Variants in CEP63 observed in about 807,000 individuals in gnomAD.
The protein encoded by CEP63 is centrosomal protein of 63 kDa.
In CEP63, 84 loss-of-function variants were observed where a neutral mutation model predicts 89.1. The observed-to-expected ratio is 0.94, with a 90% CI of 0.79 to 1.13. The LOEUF (loss-of-function observed/expected upper bound fraction) is 1.13, where lower values mean the gene tolerates loss of function less well. CEP63 is among the 50% of genes most tolerant of loss of function. The pLI is 0.00. For missense variants in CEP63, 838 were observed against 813.3 expected, an observed-to-expected ratio of 1.03 and a Z score of -0.37; for synonymous variants, 267 against 272.5, an observed-to-expected ratio of 0.98 and a Z score of 0.20.
At chr3:134,764,055 A>G in the CEP63 span, among the ~76,000 whole-genome samples, 1 of 152,246 alleles carries the variant, frequency 6.6e-6, no homozygotes, top group Non-Finnish European at 1.5e-5. Context: ...AGCAAACTGT[A>G]CAAGACATGG....
At chr3:134,666,289 C>G in the CEP63 span, among the ~76,000 whole-genome samples, 2 of 152,204 alleles carry the variant, frequency 1.3e-5, no homozygotes, top group Non-Finnish European at 2.9e-5. Flanking sequence ...AGTCAGCAGA[C>G]TCACCTGCGG....
chr3:134,760,979 C>G, the CEP63 span, among the ~76,000 whole-genome samples: 1 of 151,218 alleles, frequency 6.6e-6, no homozygotes, highest in Admixed American at 6.6e-5. Context: ...GTTTAATCCT[C>G]TGGTATGACT....
chr3:134,529,203 A>C (rs1247981353), intron 3 of CEP63, among the ~76,000 whole-genome samples: 1 of 152,146 alleles, frequency 6.6e-6, no homozygotes, highest in Admixed American at 6.5e-5. Flanking sequence ...TTTTCATGTT[A>C]ACTATTTTAA....
At chr3:134,602,820 G>A in the CEP63 span, among the ~76,000 whole-genome samples, 3 of 152,184 alleles carry the variant, frequency 2.0e-5, no homozygotes, top group Admixed American at 6.5e-5. Flanking sequence ...CAGCTCTGCC[G>A]ACAGTGTCCC....
At position 134,558,193 on chromosome 3, in the gene CEP63, A is replaced by C. The variant is rs763823409; in HGVS notation, c.1519A>C (p.Asn507His). 1.9e-6 allele frequency: 3 copies of C among 1,613,832 alleles called. No homozygotes were observed. Among genetic ancestry groups the C allele is most frequent in the Non-Finnish European group, 2.5e-6 (3 of 1,179,798 alleles). Residue 507 changes from asparagine to histidine, a missense_variant, in exon 13 of 15, where the codon AAT becomes CAT. Coordinates refer to ENST00000675561, the MANE Select transcript of CEP63 (RefSeq NM_001353108.3). ...CCAGGAGAATTATATTGAGGCATTA[A>C]ATAAATTAGTGTCTGAAAATCAACA... is the stretch of plus-strand genomic sequence containing the variant. ...DLQENYIEAL[N>H]KLVSENQQLQ... is the part of the protein sequence containing the mutation.
the CEP63 span, among the ~76,000 whole-genome samples, chr3:134,708,410 T>C: frequency 6.6e-6 from 1 of 152,236 alleles, no homozygotes; most frequent in Non-Finnish European, 1.5e-5. Flanking sequence ...GCAAGAAGTC[T>C]GGAAATTTAT....
the CEP63 span, among the ~76,000 whole-genome samples, chr3:134,690,997 C>T: frequency 9.9e-5 from 15 of 152,168 alleles, no homozygotes; most frequent in Admixed American, 8.5e-4. Context: ...AATCTGCCCG[C>T]CTTGGCCTCC....
the CEP63 span, among the ~76,000 whole-genome samples, chr3:134,760,633 G>A: frequency 3.3e-5 from 5 of 152,154 alleles, no homozygotes; most frequent in African/African-American, 4.8e-5. Flanking sequence ...TATCCCTTGC[G>A]TACTCAGTCC....
chr3:134,630,717 G>A, the CEP63 span, among the ~76,000 whole-genome samples: 1 of 152,176 alleles, frequency 6.6e-6, no homozygotes, highest in East Asian at 1.9e-4. Flanking sequence ...GATCTGTATA[G>A]CATTGCAAAG....
the CEP63 span, among the ~76,000 whole-genome samples, chr3:134,775,594 G>A: frequency 7.1e-4 from 108 of 152,214 alleles, no homozygotes; most frequent in African/African-American, 2.4e-3. Context: ...GGATCCCAGG[G>A]AGCCCCAGAG....
At chr3:134,509,600 A>G (rs1944358076) in intron 3 of CEP63, among the ~76,000 whole-genome samples, 1 of 152,230 alleles carries the variant, frequency 6.6e-6, no homozygotes, top group African/African-American at 2.4e-5. Flanking sequence ...TATCTTCATT[A>G]AAGGAGCAAA....
At chr3:134,665,725 A>ACAGGGACAGAG in the CEP63 span, among the ~76,000 whole-genome samples, 1 of 96,026 alleles carries the variant, frequency 1.0e-5, no homozygotes. Context: ...AGAGAGAGAG[A>ACAGGGACAGAG]CAGGGACAGA....
rs117902754 is a variant in CEP63, at chr3:134,524,965, C to T, written c.223-6880C>T. ...AGTTTTAGCAGGAATGGTACCAGCT[C>T]TTCTTTCTACATCTGGTAGAATTCA... On this transcript the variant is annotated intron_variant, in intron 3 of 14. Coordinates refer to ENST00000675561, the MANE Select transcript of CEP63 (RefSeq NM_001353108.3). 2.9e-4 allele frequency among the ~76,000 whole-genome samples: 44 copies of T among 152,290 alleles called. No individual in the cohort carries two copies. In the East Asian group the frequency reaches 8.5e-3, roughly 29 times the overall value.
intron 1 of CEP63, among the ~76,000 whole-genome samples, chr3:134,489,966 G>A (rs1937052189): frequency 6.6e-6 from 1 of 152,050 alleles, no homozygotes; most frequent in African/African-American, 2.4e-5. Flanking sequence ...TATTCCATTT[G>A]ATATGACCAA....
At chr3:134,714,242 C>G in the CEP63 span, among the ~76,000 whole-genome samples, 1 of 152,078 alleles carries the variant, frequency 6.6e-6, no homozygotes, top group Non-Finnish European at 1.5e-5. Context: ...CTTTGTTAGA[C>G]GAGGTCAAAG....
chr3:134,662,106 G>T, the CEP63 span, among the ~76,000 whole-genome samples: 1 of 152,094 alleles, frequency 6.6e-6, no homozygotes, highest in African/African-American at 2.4e-5. Flanking sequence ...GTGAAACCCT[G>T]TCTCTACTAC....
intron 10 of CEP63, among the ~76,000 whole-genome samples, 157 bp downstream of exon 10, chr3:134,549,333 GA>G: frequency 6.6e-6 from 1 of 152,266 alleles, no homozygotes; most frequent in East Asian, 1.9e-4. Flanking sequence ...TGTGCATAGG[GA>G]AAGTGCCTTC....
chr3:134,689,581 A>G, the CEP63 span, among the ~76,000 whole-genome samples: 1 of 151,816 alleles, frequency 6.6e-6, no homozygotes, highest in African/African-American at 2.4e-5. Context: ...CCTCCCAAAT[A>G]GCTGGGACTA....
chr3:134,547,435 G>GA lies in CEP63; in HGVS notation c.1031dup (p.Asp344GlufsTer11). On this transcript the variant is annotated frameshift_variant, in exon 9 of 15. Coordinates refer to ENST00000675561, the MANE Select transcript of CEP63 (RefSeq NM_001353108.3). LOFTEE classifies it high-confidence loss of function. The stretch of plus-strand genomic sequence containing the variant: ...GTTGAATTTTACCCATACTAGTGAG[G>GA]ACCTTCTGCAGGCAGAGGTGACTTG... 1 of 1,613,754 alleles carries GA rather than the reference G, an allele frequency of 6.2e-7. No individual in the cohort carries two copies. Among genetic ancestry groups the GA allele is most frequent in the East Asian group, 2.2e-5 (1 of 44,854 alleles).
Sources: allele counts gnomAD v4.1 joint callset (sites outside exome capture counted in the v4.1 genomes callset), GRCh38; gene constraint gnomAD v4.1.1; transcripts MANE v1.5; gene names NCBI Gene and HGNC (gene_info 2026-07-23, HGNC 2026-07-21).